C3orf70: variants seen among roughly 807,000 people sequenced by gnomAD.
C3orf70 encodes the protein UPF0524 protein C3orf70.
Under a neutral mutation model 20.7 loss-of-function variants are expected in C3orf70, and 15 were observed. The ratio of observed to expected loss-of-function variants is 0.72; its 90% CI spans 0.48 to 1.11. C3orf70 has a LOEUF of 1.11. Among genes scored for constraint, C3orf70 ranks in the 50% most tolerant of loss-of-function variants. The probability of loss-of-function intolerance (pLI) is 0.00; values close to 1 mark genes in which losing one functional copy is unlikely to be tolerated. For synonymous variants in C3orf70, 161 were observed against 125.7 expected (o/e 1.28, Z -1.88); for missense variants, 332 against 317.6 (o/e 1.05, Z -0.34).
chr3:185,144,476 A>T (rs1488431382), intron 1 of C3orf70, among the ~76,000 whole-genome samples: 1 of 151,834 alleles, frequency 6.6e-6, no homozygotes, highest in Non-Finnish European at 1.5e-5. Flanking sequence ...TTGTTTATTT[A>T]TTTATTTATT....
chr3:185,112,697 T>A (rs1447821661), intron 1 of C3orf70, among the ~76,000 whole-genome samples: 1 of 152,170 alleles, frequency 6.6e-6, no homozygotes, highest in Non-Finnish European at 1.5e-5. Context: ...CACCATCTAG[T>A]TAAAAGATAA....
chr3:185,083,163 A>G lies in C3orf70; in HGVS notation c.597T>C (p.Tyr199=), dbSNP rs772665963. The part of the protein sequence containing the change: ...DSGINAIGAH[Y]VESCDEDTEE... Reference sequence around the variant, plus strand: ...CTGTGTCCTCGTCACACGATTCCACATAGTGAGCCCCAATCGCATTGATCC... The same window carrying G: ...CTGTGTCCTCGTCACACGATTCCACGTAGTGAGCCCCAATCGCATTGATCC... The change falls in exon 2 of 2, where the codon TAT becomes TAC. Residue 199 remains tyrosine, a synonymous_variant. Transcript: ENST00000335012. 6.2e-7 allele frequency: 1 copy of G among 1,614,176 alleles called. No individual in the cohort carries two copies. The highest frequency in any genetic ancestry group is 8.5e-7 in the Non-Finnish European group (1 of 1,180,034).
At chr3:185,086,905 C>T (rs958335851) in intron 1 of C3orf70, among the ~76,000 whole-genome samples, 3 of 152,130 alleles carry the variant, frequency 2.0e-5, no homozygotes, top group Admixed American at 1.3e-4. Flanking sequence ...TTTATAAACA[C>T]AGAAATAATT....
At chr3:185,104,507 C>A (rs1267084822) in intron 1 of C3orf70, among the ~76,000 whole-genome samples, 1 of 152,128 alleles carries the variant, frequency 6.6e-6, no homozygotes, top group Non-Finnish European at 1.5e-5. Context: ...ATCATTCTAT[C>A]ATAAAGACAC....
intron 1 of C3orf70, among the ~76,000 whole-genome samples, chr3:185,140,226 T>G (rs1716723263): frequency 6.6e-6 from 1 of 152,216 alleles, no homozygotes; most frequent in Non-Finnish European, 1.5e-5. Context: ...GGGTCAACTA[T>G]AAACTAATCA....
intron 1 of C3orf70, among the ~76,000 whole-genome samples, chr3:185,115,951 A>G (rs555960172): frequency 7.3e-4 from 111 of 152,258 alleles, no homozygotes; most frequent in African/African-American, 2.6e-3. Context: ...TAAAACCATC[A>G]CATTGGGGAT....
At chr3:185,083,592 T>A in intron 1 of C3orf70, 29 bp from the exon 2 acceptor site, 1 of 1,529,152 alleles carries the variant, frequency 6.5e-7, no homozygotes, top group Non-Finnish European at 8.8e-7. Flanking sequence ...ACACTTGAAA[T>A]CTATATTACA....
At chr3:185,150,651 C>G (rs1577337899) in intron 1 of C3orf70, among the ~76,000 whole-genome samples, 1 of 152,320 alleles carries the variant, frequency 6.6e-6, no homozygotes, top group Non-Finnish European at 1.5e-5. Context: ...ATGCTAGCTG[C>G]AGCAATAGCA....
In C3orf70 at chr3:185,083,539, G is replaced by C. The variant is rs879002140; in HGVS notation, c.221C>G (p.Thr74Ser). 3 of 1,603,752 alleles carry C rather than the reference G, an allele frequency of 1.9e-6. No homozygotes were observed. In the South Asian group the frequency reaches 3.4e-5, roughly 18 times the overall value. The change falls in exon 2 of 2, where the codon ACC becomes AGC. Residue 74 changes from threonine to serine, a missense_variant. Transcript: ENST00000335012. The stretch of plus-strand genomic sequence containing the variant: ...AGTGCTTGGAAGCTGTTCCACAGGG[G>C]TCATAGGCTGATACATGTATTTGCC... ...CHCKYMYQPM[T>S]PVEQLPSTEI...
At position 185,079,283 on chromosome 3, in the gene C3orf70, A is replaced by AAAATAAAAAAAAAT. The variant is rs1715276461; in HGVS notation, c.*3723_*3724insATTTTTTTTTATTT. The AAAATAAAAAAAAAT allele has an allele frequency of 8.5e-6, 1 of 117,304 alleles. No homozygotes were observed. Among genetic ancestry groups the AAAATAAAAAAAAAT allele is most frequent in the African/African-American group, 4.0e-5 (1 of 25,146 alleles). The allele number at this position is 117,304 out of a possible 1,614,324, so 7.3% of individuals were successfully genotyped here. The stretch of plus-strand genomic sequence containing the variant: ...GTGAAGGAGCGAGACTCTGTCTCAA[A>AAAATAAAAAAAAAT]AAAAAAAAAAAAAAAAAAAAAGTAA... On this transcript the variant is annotated 3_prime_UTR_variant, in exon 2 of 2. Transcript: ENST00000335012.
intron 1 of C3orf70, among the ~76,000 whole-genome samples, chr3:185,121,649 G>T (rs1399322010): frequency 6.6e-6 from 1 of 152,180 alleles, no homozygotes; most frequent in Admixed American, 6.5e-5. Flanking sequence ...AGAGGAGAGA[G>T]AGTGTAATGA....
At chr3:185,100,245 G>T (rs1183599375) in intron 1 of C3orf70, among the ~76,000 whole-genome samples, 1 of 152,098 alleles carries the variant, frequency 6.6e-6, no homozygotes, top group East Asian at 1.9e-4. Context: ...AGAATATACA[G>T]TTTTCTCATT....
chr3:185,117,965 C>A (rs1716217624), intron 1 of C3orf70, among the ~76,000 whole-genome samples: 1 of 152,162 alleles, frequency 6.6e-6, no homozygotes, highest in South Asian at 2.1e-4. Context: ...CTGCCCCAAT[C>A]CCCACTCTAT....
At chr3:185,137,650 T>C (rs910620231) in intron 1 of C3orf70, among the ~76,000 whole-genome samples, 4 of 152,244 alleles carry the variant, frequency 2.6e-5, no homozygotes, top group African/African-American at 7.2e-5. Context: ...GGATAATCTA[T>C]GGTCAGAAAG....
At chr3:185,138,298 T>C (rs548434687) in intron 1 of C3orf70, among the ~76,000 whole-genome samples, 8 of 152,214 alleles carry the variant, frequency 5.3e-5, no homozygotes, top group Non-Finnish European at 8.8e-5. Flanking sequence ...CAGGCCCAGA[T>C]GGTTTTACTA....
intron 1 of C3orf70, among the ~76,000 whole-genome samples, chr3:185,090,907 GTTCC>G (rs1448030230): frequency 6.6e-6 from 1 of 152,160 alleles, no homozygotes; most frequent in Non-Finnish European, 1.5e-5. Context: ...CAAGATCCTA[GTTCC>G]TTCATTTTAA....
intron 1 of C3orf70, among the ~76,000 whole-genome samples, chr3:185,112,111 G>A (rs1163065589): frequency 6.6e-6 from 1 of 151,936 alleles, no homozygotes; most frequent in African/African-American, 2.4e-5. Context: ...ACCAACATGG[G>A]GAAATCCTGT....
At chr3:185,132,424 C>CA (rs68193448) in intron 1 of C3orf70, among the ~76,000 whole-genome samples, 3,247 of 147,036 alleles carry the variant, frequency 0.022, 51 homozygotes, top group African/African-American at 0.04. Flanking sequence ...TGTAAAATAC[C>CA]AAAAAAAAAA....
In C3orf70 at chr3:185,081,663, GAGT is replaced by G. The variant is rs1372795987; in HGVS notation, c.*1341_*1343del. On this transcript the variant is annotated 3_prime_UTR_variant, in exon 2 of 2. Transcript: ENST00000335012. ...CACAAGAATACCTGGTATAAATGGAGAGTAGAAGTAGAATTCTGAAGAGAGCTA... is the reference window on the plus strand; with the variant it reads ...CACAAGAATACCTGGTATAAATGGAGAGAAGTAGAATTCTGAAGAGAGCTA... 6.6e-6 allele frequency: 1 copy of G among 152,596 alleles called. No homozygotes were observed. Among genetic ancestry groups the G allele is most frequent in the African/African-American group, 2.4e-5 (1 of 41,446 alleles). 9.5% of individuals were successfully genotyped at this position (152,596 alleles called of 1,614,324 possible). A position where few individuals can be genotyped will look rare whatever the true frequency, so the allele number is the denominator to read the frequency against.
Sources: gnomAD v4.1 joint callset for allele counts (sites outside exome capture counted in the v4.1 genomes callset) on GRCh38, gnomAD v4.1.1 for gene constraint, MANE v1.5 for transcripts, NCBI Gene and HGNC (gene_info 2026-07-23, HGNC 2026-07-21) for gene names.